The following PCSK5 variants were observed in gnomAD, a reference collection of about 807,000 sequenced individuals.
PCSK5 encodes the protein proprotein convertase subtilisin/kexin type 5, also known as prohormone convertase 5.
Under a neutral mutation model 233.2 loss-of-function variants are expected in PCSK5, and 129 were observed. That is an observed-to-expected ratio of 0.55 (90% CI 0.48 to 0.64). PCSK5 has a LOEUF of 0.64. Ranked by LOEUF, PCSK5 falls within the 30% of genes least tolerant of loss-of-function variation. The pLI is 0.00. For missense variants in PCSK5, 2,076 were observed against 2,430.1 expected (o/e 0.85, Z 3.06); for synonymous variants, 825 against 879.2 (o/e 0.94, Z 1.09).
intron 2 of PCSK5, among the ~76,000 whole-genome samples, chr9:75,938,236 G>T (rs1374445044): frequency 6.6e-6 from 1 of 152,134 alleles, no homozygotes; most frequent in Non-Finnish European, 1.5e-5. Context: ...AGAGGCCATT[G>T]TAGGGTTATT....
intron 1 of PCSK5, among the ~76,000 whole-genome samples, chr9:75,920,390 G>A (rs1372380721): frequency 6.6e-6 from 1 of 152,106 alleles, no homozygotes; most frequent in Non-Finnish European, 1.5e-5. Flanking sequence ...CTGGGCTCAA[G>A]CGATCCTCCT....
In PCSK5 at chr9:76,351,622, GA is replaced by G. The variant is rs1243393078; in HGVS notation, c.5067+697del. Among the ~76,000 whole-genome samples, 8 of 134,224 alleles carry G rather than the reference GA, an allele frequency of 6.0e-5. 1 individual carries two copies. The highest frequency in any genetic ancestry group is 1.3e-4 in the African/African-American group (5 of 37,354). The allele number at this position is 134,224 out of a possible 152,430, so 88.1% of individuals were successfully genotyped here. A position where few individuals can be genotyped will look rare whatever the true frequency, so the allele number is the denominator to read the frequency against. ...GAAAGAGAAGAAAGAAAAAGAAAGA[GA>G]AAGAAAGAGAGAGAAAGAAGAAAGA... On this transcript the variant is annotated intron_variant, in intron 36 of 37. Transcript: ENST00000674117.
chr9:76,161,137 C>G (rs1822834174), intron 12 of PCSK5, among the ~76,000 whole-genome samples: 1 of 152,210 alleles, frequency 6.6e-6, no homozygotes. Flanking sequence ...TCTTTCAAAT[C>G]TGACGTCTTC....
At chr9:76,003,602 A>C (rs940426134) in intron 3 of PCSK5, among the ~76,000 whole-genome samples, 3 of 152,242 alleles carry the variant, frequency 2.0e-5, no homozygotes, top group Admixed American at 6.5e-5. Flanking sequence ...GTGAAAATAC[A>C]GTCCAAAATA....
chr9:76,182,286 A>C (rs917182215), intron 16 of PCSK5, among the ~76,000 whole-genome samples: 1 of 152,104 alleles, frequency 6.6e-6, no homozygotes, highest in African/African-American at 2.4e-5. Context: ...TATGATATCA[A>C]AATATACTTT....
At chr9:76,231,967 T>TCCCA (rs79211141) in intron 21 of PCSK5, among the ~76,000 whole-genome samples, 14,920 of 152,136 alleles carry the variant, frequency 0.098, 765 homozygotes, top group South Asian at 0.11. Flanking sequence ...TCGGCTTGAA[T>TCCCA]CCCATTCTGC....
chr9:76,056,963 G>A (rs1829842620), intron 5 of PCSK5, among the ~76,000 whole-genome samples: 1 of 152,148 alleles, frequency 6.6e-6, no homozygotes, highest in Non-Finnish European at 1.5e-5. Context: ...ATATGCAAGA[G>A]AGCTTAACAG....
chr9:76,090,240 C>T (rs937474019), intron 7 of PCSK5, among the ~76,000 whole-genome samples: 1 of 152,068 alleles, frequency 6.6e-6, no homozygotes, highest in Non-Finnish European at 1.5e-5. Flanking sequence ...CTCCCTGCAC[C>T]CCACATTAAG....
chr9:76,066,192 G>C (rs894350044), intron 5 of PCSK5, among the ~76,000 whole-genome samples: 2 of 152,110 alleles, frequency 1.3e-5, no homozygotes, highest in Non-Finnish European at 2.9e-5. Context: ...TTTTGATAGG[G>C]ATTGCATTGA....
intron 12 of PCSK5, among the ~76,000 whole-genome samples, chr9:76,163,859 CT>C (rs67386134): frequency 3.6e-4 from 35 of 97,904 alleles, no homozygotes; most frequent in Middle Eastern, 6.3e-3. Context: ...AAAAAGCTGT[CT>C]TTTTTTTTTT....
At chr9:76,311,549 T>G (rs1288519463) in intron 30 of PCSK5, among the ~76,000 whole-genome samples, 1 of 152,098 alleles carries the variant, frequency 6.6e-6, no homozygotes, top group African/African-American at 2.4e-5. Context: ...GTCCCCTGGT[T>G]TGTAGTTGCT....
chr9:76,287,842 G>C, intron 24 of PCSK5: 1 of 213,734 alleles, frequency 4.7e-6, no homozygotes, highest in Middle Eastern at 6.2e-4. Context: ...AGGTCTGACA[G>C]ACATACTTCA....
chr9:76,300,536 CT>C (rs1345557219), intron 27 of PCSK5, among the ~76,000 whole-genome samples: 1 of 152,194 alleles, frequency 6.6e-6, no homozygotes, highest in East Asian at 1.9e-4. Flanking sequence ...ATTGGAAACA[CT>C]ACAAATCAGG....
chr9:76,249,929 A>G (rs1826747135), intron 24 of PCSK5, among the ~76,000 whole-genome samples: 1 of 152,214 alleles, frequency 6.6e-6, no homozygotes, highest in Non-Finnish European at 1.5e-5. Flanking sequence ...AAATATAAAT[A>G]AATGGTGGAT....
At chr9:76,158,932 C>T in intron 11 of PCSK5, 51 bp from the exon 12 acceptor site, 1 of 1,493,056 alleles carries the variant, frequency 6.7e-7, no homozygotes. Context: ...GTTCACTCAC[C>T]TGAGCTCTGT....
At chr9:76,181,680 T>A in intron 16 of PCSK5, 89 bp downstream of exon 16, 1 of 819,836 alleles carries the variant, frequency 1.2e-6, no homozygotes, top group Non-Finnish European at 2.0e-6. Context: ...CTTTGTGAAA[T>A]CTGGAATTGT....
chr9:76,289,811 G>C (rs1334183963), intron 24 of PCSK5, among the ~76,000 whole-genome samples: 1 of 152,076 alleles, frequency 6.6e-6, no homozygotes, highest in Non-Finnish European at 1.5e-5. Context: ...TTCATAAGCT[G>C]TATAAGGCAC....
At chr9:76,179,453 G>C in intron 14 of PCSK5, 143 bp from the exon 15 acceptor site, 1 of 570,626 alleles carries the variant, frequency 1.8e-6, no homozygotes, top group Non-Finnish European at 3.1e-6. Flanking sequence ...TGGACCTAAA[G>C]CCACATTGAC....
chr9:76,345,151 C>A (rs1829941631), intron 35 of PCSK5, among the ~76,000 whole-genome samples: 1 of 151,876 alleles, frequency 6.6e-6, no homozygotes, highest in East Asian at 1.9e-4. Context: ...TCTTGTATTT[C>A]CCAGTGTCTA....
Sources: allele counts gnomAD v4.1 joint callset (sites outside exome capture counted in the v4.1 genomes callset), GRCh38; gene constraint gnomAD v4.1.1; transcripts MANE v1.5; gene names NCBI Gene and HGNC (gene_info 2026-07-23, HGNC 2026-07-21).